Variants in ENO4 observed in about 807,000 individuals in gnomAD.
ENO4 encodes the protein enolase 4, also known as 2-phospho-D-glycerate hydro-lyase.
In ENO4, 53 loss-of-function variants were observed where a neutral mutation model predicts 63.2. The observed-to-expected ratio is 0.84, with a 90% CI of 0.67 to 1.05. The LOEUF (loss-of-function observed/expected upper bound fraction) is 1.05, where lower values mean the gene tolerates loss of function less well. ENO4 is among the 50% of genes least tolerant of loss of function. The pLI, the probability that ENO4 is intolerant of heterozygous loss-of-function variation, is 0.00. For synonymous variants in ENO4, 266 were observed against 283.8 expected, an observed-to-expected ratio of 0.94 and a Z score of 0.63; for missense variants, 719 against 772.0, an observed-to-expected ratio of 0.93 and a Z score of 0.81.
At chr10:116,910,990 G>A (rs761356705) in intron 10 of ENO4, among the ~76,000 whole-genome samples, 2 of 152,222 alleles carry the variant, frequency 1.3e-5, no homozygotes, top group Non-Finnish European at 2.9e-5. Context: ...TACATGCAAT[G>A]CATAATTGGC....
rs540321086 is a variant in ENO4 at position 116,849,778 on chromosome 10, C to T, written c.165+47C>T. The stretch of plus-strand genomic sequence containing the variant: ...TCTCCTCCCGCCAACCCCTCTCCCC[C>T]CGCCCCGCGCTGCGGCAACGCCTTG... On this transcript the variant is annotated intron_variant, in intron 1 of 13. Coordinates refer to ENST00000341276, the MANE Select transcript of ENO4 (RefSeq NM_001242699.2). 5.9e-4 allele frequency: 862 copies of T among 1,464,944 alleles called. 11 individuals carry two copies. The Admixed American group carries it at 0.017, about 28-fold the overall frequency. 90.7% of individuals were successfully genotyped at this position (1,464,944 alleles called of 1,614,324 possible).
chr10:116,861,266 T>C (rs9420215), intron 6 of ENO4, 76 bp downstream of exon 6: 94,419 of 391,850 alleles, frequency 0.24, 13,856 homozygotes, highest in African/African-American at 0.41. Context: ...TACTCCGTCA[T>C]TGATGAACTT....
intron 10 of ENO4, among the ~76,000 whole-genome samples, chr10:116,898,314 A>G (rs181636459): frequency 6.6e-6 from 1 of 152,060 alleles, no homozygotes; most frequent in African/African-American, 2.4e-5. Flanking sequence ...GGCGACAGCA[A>G]GACTACATCT....
chr10:116,866,634 C>T (rs893604949), intron 7 of ENO4, among the ~76,000 whole-genome samples: 6 of 151,852 alleles, frequency 4.0e-5, no homozygotes, highest in African/African-American at 1.5e-4. Flanking sequence ...GGCAACATAG[C>T]GAGACCTTGT....
At position 116,859,012 on chromosome 10, in the gene ENO4, C is replaced by G. The variant is rs187849003; in HGVS notation, c.508C>G (p.Gln170Glu). 1.2e-5 allele frequency: 19 copies of G among 1,534,828 alleles called. No homozygotes were observed. The African/African-American group carries it at 2.1e-4, about 17-fold the overall frequency. The change falls in exon 4 of 14, where the codon CAA (glutamine) becomes GAA (glutamate). Residue 170 changes from glutamine to glutamate, a missense_variant. Transcript: ENST00000341276. Reference sequence around the variant, plus strand: ...AAGGATATTCTTCGCAAGTAAAGTACAAGAAGATAAGGGGAGAAAAGAATT... The same window carrying G: ...AAGGATATTCTTCGCAAGTAAAGTAGAAGAAGATAAGGGGAGAAAAGAATT... ...LLRIFFASKV[Q>E]EDKGRKELEK...
Position 116,876,255 on chromosome 10 carries a change from TTGACAG to T in ENO4, c.1536_1537+4del. ...GACTTGGTGGAAATAACCAATCTGA[TTGACAG>T]TGAGTAAAAGCATACATCTGAAAGA... On this transcript the variant is annotated splice_donor_variant and coding_sequence_variant, in exon 11 of 14. Coordinates refer to ENST00000341276, the MANE Select transcript of ENO4 (RefSeq NM_001242699.2). LOFTEE classifies it high-confidence loss of function. 6.5e-7 allele frequency: 1 copy of T among 1,541,710 alleles called. No individual in the cohort carries two copies.
intron 11 of ENO4, among the ~76,000 whole-genome samples, chr10:116,876,742 A>G (rs1040791469): frequency 7.2e-5 from 11 of 152,052 alleles, no homozygotes; most frequent in African/African-American, 2.7e-4. Flanking sequence ...CGAGGTCAGG[A>G]GATCGAGACC....
intron 12 of ENO4, among the ~76,000 whole-genome samples, chr10:116,879,620 G>T (rs1364369638): frequency 6.6e-6 from 1 of 152,208 alleles, no homozygotes; most frequent in Non-Finnish European, 1.5e-5. Flanking sequence ...AGAAAGGCCA[G>T]AACGTTCTTA....
chr10:116,862,015 C>T (rs1023321257), intron 6 of ENO4, among the ~76,000 whole-genome samples: 1 of 152,106 alleles, frequency 6.6e-6, no homozygotes, highest in Non-Finnish European at 1.5e-5. Flanking sequence ...GTTTGCATAC[C>T]AGAGCACGAG....
chr10:116,851,631 T>C (rs1461435459), intron 1 of ENO4, among the ~76,000 whole-genome samples: 2 of 152,226 alleles, frequency 1.3e-5, no homozygotes, highest in East Asian at 3.9e-4. Flanking sequence ...TGTCCTAACA[T>C]GCAAGTCTGA....
rs559166111 is a variant in ENO4 at position 116,893,781 on chromosome 10, C to T, written c.1194+13795C>T. On this transcript the variant is annotated intron_variant, in intron 10 of 10. Transcript: ENST00000369207. ...TATGGCCAACTAAATTAATTTCCAG[C>T]TGAGATAATTAGTTTGAGAGAATAA... Among the ~76,000 whole-genome samples the T allele has an allele frequency of 2.6e-5, 4 of 152,256 alleles. No homozygotes were observed. In the South Asian group the frequency reaches 8.3e-4, roughly 32 times the overall value.
intron 7 of ENO4, among the ~76,000 whole-genome samples, chr10:116,865,019 C>CG (rs1342672994): frequency 2.0e-5 from 3 of 151,762 alleles, no homozygotes; most frequent in Non-Finnish European, 4.4e-5. Flanking sequence ...GACTCCGTCT[C>CG]GGGGGGAAAG....
chr10:116,897,886 A>AT (rs1479702377), intron 10 of ENO4, among the ~76,000 whole-genome samples: 1 of 152,040 alleles, frequency 6.6e-6, no homozygotes, highest in Non-Finnish European at 1.5e-5. Context: ...AATAAATCAC[A>AT]TTGTTTCCTT....
At chr10:116,888,892 A>G (rs1847247308) in intron 10 of ENO4, among the ~76,000 whole-genome samples, 1 of 152,196 alleles carries the variant, frequency 6.6e-6, no homozygotes. Context: ...AGGTGAGGAG[A>G]TTCTAGGAAA....
At chr10:116,869,922 T>A (rs747966015) in intron 8 of ENO4, among the ~76,000 whole-genome samples, 2 of 151,966 alleles carry the variant, frequency 1.3e-5, no homozygotes, top group Non-Finnish European at 2.9e-5. Context: ...TATCTTTGTA[T>A]GATGTAAGGA....
chr10:116,911,905 A>AT, downstream of ENO4: 1 of 1,195,726 alleles, frequency 8.4e-7, no homozygotes, highest in African/African-American at 1.5e-5. Flanking sequence ...CTAAACAATG[A>AT]TTTTTACATG....
chr10:116,890,696 C>A (rs943565592), intron 10 of ENO4, among the ~76,000 whole-genome samples: 3 of 152,228 alleles, frequency 2.0e-5, no homozygotes, highest in Non-Finnish European at 2.9e-5. Flanking sequence ...TTTTAGAAAG[C>A]AGCTATTGTG....
intron 10 of ENO4, among the ~76,000 whole-genome samples, chr10:116,903,358 C>T (rs1357757292): frequency 6.6e-6 from 1 of 151,984 alleles, no homozygotes; most frequent in Non-Finnish European, 1.5e-5. Flanking sequence ...CATGGTGAAA[C>T]CCTGTCTCTA....
At chr10:116,875,561 T>TCACACTCACACACA (rs1554902986) in intron 10 of ENO4, among the ~76,000 whole-genome samples, 2 of 147,908 alleles carry the variant, frequency 1.4e-5, no homozygotes, top group African/African-American at 5.0e-5. Context: ...TCCAGGCTGG[T>TCACACTCACACACA]CACACACACA....
Sources: allele counts gnomAD v4.1 joint callset (sites outside exome capture counted in the v4.1 genomes callset), GRCh38; gene constraint gnomAD v4.1.1; transcripts MANE v1.5; gene names NCBI Gene and HGNC (gene_info 2026-07-23, HGNC 2026-07-21).